TBC1D19: variants seen among roughly 807,000 people sequenced by gnomAD.
TBC1D19 encodes TBC1 domain family, member 19.
TBC1D19 carries 60 observed loss-of-function variants against 89.0 expected under a neutral mutation model. The ratio of observed to expected loss-of-function variants is 0.67; its 90% CI spans 0.55 to 0.84. TBC1D19 has a LOEUF of 0.84. Ranked by LOEUF, TBC1D19 falls within the 40% of genes least tolerant of loss-of-function variation. TBC1D19 has a pLI of 0.00. For missense variants in TBC1D19, 500 were observed against 610.8 expected, an observed-to-expected ratio of 0.82 and a Z score of 1.91; for synonymous variants, 189 against 199.7, an observed-to-expected ratio of 0.95 and a Z score of 0.45.
intron 7 of TBC1D19, among the ~76,000 whole-genome samples, chr4:26,657,252 C>A (rs1220909151): frequency 6.6e-6 from 1 of 151,844 alleles, no homozygotes; most frequent in East Asian, 1.9e-4. Flanking sequence ...GACCCCCTGA[C>A]AGGCCCCGGT....
chr4:26,829,948 G>A, the TBC1D19 span, among the ~76,000 whole-genome samples: 2 of 152,200 alleles, frequency 1.3e-5, no homozygotes, highest in South Asian at 2.1e-4. Context: ...TCTTACCTTC[G>A]GGGAATGGCA....
intron 13 of TBC1D19, among the ~76,000 whole-genome samples, chr4:26,695,072 G>A (rs968501880): frequency 2.6e-5 from 4 of 152,126 alleles, no homozygotes; most frequent in Non-Finnish European, 5.9e-5. Flanking sequence ...AGAGAAGAAG[G>A]CTTCAGATGA....
chr4:26,649,150 A>ATT (rs145862761), intron 7 of TBC1D19, among the ~76,000 whole-genome samples: 26 of 151,564 alleles, frequency 1.7e-4, no homozygotes, highest in African/African-American at 3.9e-4. Flanking sequence ...TTCTTTGCTA[A>ATT]TTTTTTTTAA....
At chr4:26,655,347 C>T (rs553318817) in intron 7 of TBC1D19, among the ~76,000 whole-genome samples, 41 of 152,310 alleles carry the variant, frequency 2.7e-4, no homozygotes, top group African/African-American at 8.7e-4. Context: ...GCAGTCTATC[C>T]GTTCTCAGAT....
At chr4:26,804,107 G>A in the TBC1D19 span, among the ~76,000 whole-genome samples, 7 of 150,312 alleles carry the variant, frequency 4.7e-5, no homozygotes, top group African/African-American at 1.2e-4. Flanking sequence ...AAAAAAAGCC[G>A]CTGAGTCTGT....
At chr4:26,611,892 T>C (rs1454221172) in intron 1 of TBC1D19, among the ~76,000 whole-genome samples, 2 of 152,070 alleles carry the variant, frequency 1.3e-5, no homozygotes, top group Non-Finnish European at 2.9e-5. Context: ...GATTTGTCAG[T>C]TTTAAGAATT....
chr4:26,642,824 G>C (rs1196764156), intron 7 of TBC1D19, among the ~76,000 whole-genome samples: 2 of 115,650 alleles, frequency 1.7e-5, no homozygotes, highest in Non-Finnish European at 4.1e-5. Flanking sequence ...AAGATCAAAA[G>C]AGACAAAGAA....
At position 26,584,212 on chromosome 4, in the gene TBC1D19, G is replaced by C; in HGVS notation, c.19G>C (p.Asp7His). 6.2e-7 allele frequency: 1 copy of C among 1,612,036 alleles called. No individual in the cohort carries two copies. The highest frequency in any genetic ancestry group is 8.5e-7 in the Non-Finnish European group (1 of 1,179,426). Residue 7 changes from aspartate (D) to histidine (H), a missense_variant, in exon 1 of 21, where the codon GAC becomes CAC. Asp to His is a moderately conservative substitution (Grantham distance 81). Coordinates refer to ENST00000264866, the MANE Select transcript of TBC1D19 (RefSeq NM_018317.4). ...AGGGGAAATGTTGCAGGAGGAGTCG[G>C]ACCTCTCTCTCATTATTGCCCAGAT... MLQEES[D>H]LSLIIAQIVQ...
At chr4:26,693,123 TAAAAAAA>T (rs56037009) in intron 13 of TBC1D19, among the ~76,000 whole-genome samples, 2 of 136,176 alleles carry the variant, frequency 1.5e-5, no homozygotes, top group African/African-American at 5.4e-5. Flanking sequence ...AAGACTGTCT[TAAAAAAA>T]AAAAAAAAAA....
intron 1 of TBC1D19, among the ~76,000 whole-genome samples, chr4:26,596,282 T>C (rs1036140718): frequency 6.6e-6 from 1 of 152,154 alleles, no homozygotes; most frequent in Non-Finnish European, 1.5e-5. Context: ...TTGATAGATA[T>C]AGAAGTATTT....
At chr4:26,587,067 A>G (rs537310409) in intron 1 of TBC1D19, among the ~76,000 whole-genome samples, 2 of 152,056 alleles carry the variant, frequency 1.3e-5, no homozygotes, top group South Asian at 4.1e-4. Context: ...TGGATGTTGA[A>G]CTTTGTTAAG....
the TBC1D19 span, among the ~76,000 whole-genome samples, chr4:26,828,982 G>A: frequency 6.6e-6 from 1 of 152,210 alleles, no homozygotes; most frequent in African/African-American, 2.4e-5. Flanking sequence ...ATATTCCTTA[G>A]TCACTGTATT....
chr4:26,739,147 G>A (rs1718205776), intron 16 of TBC1D19, among the ~76,000 whole-genome samples: 1 of 152,124 alleles, frequency 6.6e-6, no homozygotes, highest in African/African-American at 2.4e-5. Context: ...CACATGCTCA[G>A]GTAGGTCGCC....
At chr4:26,805,574 G>T in the TBC1D19 span, among the ~76,000 whole-genome samples, 1 of 152,034 alleles carries the variant, frequency 6.6e-6, no homozygotes, top group Non-Finnish European at 1.5e-5. Flanking sequence ...GTGCTTTCTC[G>T]TTCCCTTTCA....
chr4:26,786,689 C>T, the TBC1D19 span, among the ~76,000 whole-genome samples: 11 of 134,056 alleles, frequency 8.2e-5, no homozygotes, highest in African/African-American at 3.1e-4. Flanking sequence ...GGATAGATAG[C>T]CAGTTGAAAG....
At chr4:26,608,506 C>T (rs573028259) in intron 1 of TBC1D19, among the ~76,000 whole-genome samples, 1 of 152,180 alleles carries the variant, frequency 6.6e-6, no homozygotes, top group Non-Finnish European at 1.5e-5. Flanking sequence ...CATGTTGTCA[C>T]TGTCCTGCTT....
chr4:26,633,759 G>A (rs145347687), intron 4 of TBC1D19, among the ~76,000 whole-genome samples: 29 of 152,146 alleles, frequency 1.9e-4, no homozygotes, highest in Non-Finnish European at 2.8e-4. Flanking sequence ...TTAAAAACCC[G>A]TTCAGCCAGA....
intron 12 of TBC1D19, among the ~76,000 whole-genome samples, chr4:26,684,231 C>T (rs1713612924): frequency 6.6e-6 from 1 of 152,178 alleles, no homozygotes; most frequent in Non-Finnish European, 1.5e-5. Context: ...CTCCAAGCAT[C>T]TGATAATCAA....
intron 9 of TBC1D19, among the ~76,000 whole-genome samples, chr4:26,667,381 ATTACTATTCTGAT>A (rs1711906503): frequency 6.6e-6 from 1 of 152,038 alleles, no homozygotes; most frequent in African/African-American, 2.4e-5. Context: ...CATTACAAAG[ATTACTATTCTGAT>A]TTCTGGCAGC....
Sources: gnomAD v4.1 joint callset for allele counts (sites outside exome capture counted in the v4.1 genomes callset) on GRCh38, gnomAD v4.1.1 for gene constraint, MANE v1.5 for transcripts, NCBI Gene and HGNC (gene_info 2026-07-23, HGNC 2026-07-21) for gene names.